Variants in PPP1R21 observed in about 807,000 individuals in gnomAD.
PPP1R21 encodes the protein KLRAQ motif containing 1.
A neutral mutation model predicts 112.8 loss-of-function variants in PPP1R21; 85 were observed. That is an observed-to-expected ratio of 0.75 (90% confidence interval 0.63 to 0.90). PPP1R21 has a LOEUF of 0.90. Ranked by LOEUF, PPP1R21 falls within the 40% of genes least tolerant of loss-of-function variation. The pLI is 0.00. For synonymous variants in PPP1R21, 381 were observed against 322.3 expected (o/e 1.18, Z -1.95); for missense variants, 1,199 against 901.5 (o/e 1.33, Z -4.23).
intron 4 of PPP1R21, among the ~76,000 whole-genome samples, 164 bp downstream of exon 4, chr2:48,458,391 C>T (rs558315553): frequency 3.3e-5 from 5 of 152,274 alleles, no homozygotes; most frequent in South Asian, 4.1e-4. Flanking sequence ...TCTTAAATAT[C>T]ACACAGTCTT....
At chr2:48,453,725 T>C (rs1667586785) in intron 2 of PPP1R21, among the ~76,000 whole-genome samples, 1 of 152,278 alleles carries the variant, frequency 6.6e-6, no homozygotes. Flanking sequence ...ATTTTGTTTC[T>C]ATTGTCATTT....
intron 13 of PPP1R21, among the ~76,000 whole-genome samples, chr2:48,484,773 C>G (rs899757189): frequency 2.0e-5 from 3 of 152,154 alleles, no homozygotes; most frequent in Non-Finnish European, 4.4e-5. Flanking sequence ...ACGTCGGTCT[C>G]CCAAAGTGCT....
chr2:48,500,257 T>C (rs546113357), intron 17 of PPP1R21, among the ~76,000 whole-genome samples: 14 of 152,142 alleles, frequency 9.2e-5, no homozygotes, highest in Admixed American at 2.6e-4. Flanking sequence ...TCAGTGTACT[T>C]AGAGTAAGGT....
intron 4 of PPP1R21, among the ~76,000 whole-genome samples, chr2:48,458,818 C>T (rs1048102555): frequency 5.9e-5 from 9 of 152,016 alleles, no homozygotes; most frequent in Non-Finnish European, 4.4e-5. Context: ...GTGGGCTGGG[C>T]GCAGTGTCTC....
chr2:48,465,824 C>G (rs933213559), intron 9 of PPP1R21, among the ~76,000 whole-genome samples, 182 bp downstream of exon 9: 1 of 152,150 alleles, frequency 6.6e-6, no homozygotes, highest in South Asian at 2.1e-4. Flanking sequence ...AAATTAAATT[C>G]TAGGGAAGTG....
chr2:48,479,845 A>T (rs572114828), intron 12 of PPP1R21, 79 bp from the exon 13 acceptor site: 4 of 887,522 alleles, frequency 4.5e-6, no homozygotes, highest in Non-Finnish European at 7.6e-6. Context: ...TTCATTCTCT[A>T]TCTTCCCAAA....
chr2:48,477,513 G>T (rs544277502), intron 12 of PPP1R21, among the ~76,000 whole-genome samples: 2 of 152,170 alleles, frequency 1.3e-5, no homozygotes, highest in African/African-American at 4.8e-5. Flanking sequence ...GAATGGTCTG[G>T]GTACCCTTGT....
chr2:48,442,655 AT>A (rs1667085947), intron 1 of PPP1R21, among the ~76,000 whole-genome samples: 1 of 152,214 alleles, frequency 6.6e-6, no homozygotes, highest in South Asian at 2.1e-4. Context: ...TACCGAAGAC[AT>A]TGGATAAGCG....
At chr2:48,511,074 G>C (rs543098775) in intron 20 of PPP1R21, among the ~76,000 whole-genome samples, 45 of 152,152 alleles carry the variant, frequency 3.0e-4, no homozygotes, top group African/African-American at 9.6e-4. Flanking sequence ...TACATGTTTG[G>C]GGGGGACATG....
At chr2:48,483,055 C>T (rs767040989) in intron 13 of PPP1R21, among the ~76,000 whole-genome samples, 2 of 151,924 alleles carry the variant, frequency 1.3e-5, no homozygotes, top group Non-Finnish European at 1.5e-5. Flanking sequence ...TCTGTTTCTG[C>T]GTTAGTTTGC....
chr2:48,508,469 C>G lies in PPP1R21; in HGVS notation c.2085+1084C>G, dbSNP rs995614863. 4.6e-5 allele frequency among the ~76,000 whole-genome samples: 7 copies of G among 152,160 alleles called. No individual in the cohort carries two copies. In the South Asian group the frequency reaches 1.2e-3, roughly 27 times the overall value. ...CTGCTAAAATAAATTGTGTGCTTAG[C>G]TCAGTGTTGTTCACAAGCAGCCATC... is the stretch of plus-strand genomic sequence containing the variant. On this transcript the variant is annotated intron_variant, in intron 19 of 21. Transcript: ENST00000294952.
At chr2:48,474,215 T>C (rs1668642457) in intron 11 of PPP1R21, among the ~76,000 whole-genome samples, 1 of 151,672 alleles carries the variant, frequency 6.6e-6, no homozygotes, top group African/African-American at 2.4e-5. Flanking sequence ...AAACCTTGTC[T>C]CTACTGAAAG....
chr2:48,454,816 C>A, intron 3 of PPP1R21, 75 bp downstream of exon 3: 1 of 1,120,980 alleles, frequency 8.9e-7, no homozygotes, highest in Admixed American at 1.9e-5. Context: ...CTGGTTTTAA[C>A]AGAAGACCCC....
intron 7 of PPP1R21, among the ~76,000 whole-genome samples, chr2:48,461,828 C>G (rs904517993): frequency 1.7e-4 from 26 of 152,094 alleles, no homozygotes; most frequent in Admixed American, 1.4e-3. Flanking sequence ...GATTTTGAAA[C>G]TTACATTCAA....
chr2:48,443,209 G>T (rs1187296401), intron 1 of PPP1R21, among the ~76,000 whole-genome samples: 1 of 152,150 alleles, frequency 6.6e-6, no homozygotes, highest in Non-Finnish European at 1.5e-5. Context: ...GTGAATGTGG[G>T]AAGACTCAGA....
chr2:48,486,869 T>C, intron 14 of PPP1R21, 111 bp downstream of exon 14: 1 of 1,213,430 alleles, frequency 8.2e-7, no homozygotes, highest in East Asian at 2.4e-5. Flanking sequence ...AAGGGTTTAC[T>C]GTAAAATAAA....
chr2:48,480,213 T>C (rs1317431116), intron 13 of PPP1R21, among the ~76,000 whole-genome samples, 197 bp downstream of exon 13: 1 of 152,240 alleles, frequency 6.6e-6, no homozygotes, highest in African/African-American at 2.4e-5. Context: ...AACAAAGTGC[T>C]GAAGAGAAAT....
intron 7 of PPP1R21, among the ~76,000 whole-genome samples, chr2:48,462,374 T>A (rs1333951156): frequency 2.0e-5 from 3 of 152,128 alleles, no homozygotes. Context: ...GTCAATAATA[T>A]AAACTAGACT....
At chr2:48,506,777 C>G (rs1572898724) in intron 18 of PPP1R21, among the ~76,000 whole-genome samples, 1 of 152,196 alleles carries the variant, frequency 6.6e-6, no homozygotes. Context: ...AACCCCGTCT[C>G]TACTAAAAAA....
Sources: allele counts gnomAD v4.1 joint callset (sites outside exome capture counted in the v4.1 genomes callset), GRCh38; gene constraint gnomAD v4.1.1; transcripts MANE v1.5; gene names NCBI Gene and HGNC (gene_info 2026-07-23, HGNC 2026-07-21).